The following MAPKAPK3 variants were observed in gnomAD, a reference collection of about 807,000 sequenced individuals.
The protein encoded by MAPKAPK3 is MAPK activated protein kinase 3, also known as MAP kinase-activated protein kinase 3.
In MAPKAPK3, 35 loss-of-function variants were observed where a neutral mutation model predicts 49.2. The observed-to-expected ratio is 0.71, with a 90% CI of 0.54 to 0.94. The LOEUF is 0.94. Among genes scored for constraint, MAPKAPK3 ranks in the 40% least tolerant of loss-of-function variants. The pLI is 0.00. For missense variants in MAPKAPK3, 398 were observed against 493.1 expected, an observed-to-expected ratio of 0.81 and a Z score of 1.83; for synonymous variants, 178 against 188.7, an observed-to-expected ratio of 0.94 and a Z score of 0.46.
At chr3:50,643,541 G>A (rs1255136190) in intron 5 of MAPKAPK3, among the ~76,000 whole-genome samples, 5 of 152,204 alleles carry the variant, frequency 3.3e-5, no homozygotes, top group African/African-American at 1.2e-4. Flanking sequence ...TACAGCTGCT[G>A]CATAAGGTCC....
upstream of MAPKAPK3, among the ~76,000 whole-genome samples, chr3:50,615,717 G>A (rs573788542): frequency 2.0e-5 from 3 of 152,368 alleles, no homozygotes; most frequent in South Asian, 6.2e-4. Context: ...TCTGCAAGAA[G>A]TGTTCACTAT....
In MAPKAPK3 at chr3:50,617,562, G is replaced by A. The variant is rs763457916; in HGVS notation, c.-4G>A. 9.4e-6 allele frequency: 14 copies of A among 1,481,874 alleles called. No homozygotes were observed. Among genetic ancestry groups the A allele is most frequent in the East Asian group, 2.3e-5 (1 of 44,174 alleles). The allele number at this position is 1,481,874 out of a possible 1,614,324, so 91.8% of individuals were successfully genotyped here. A position where few individuals can be genotyped will look rare whatever the true frequency, so the allele number is the denominator to read the frequency against. ...GGGCCGCCTCTGAGCGCCCCGCGGG[G>A]GCCATGGATGGTGAAACAGCAGAGG... On this transcript the variant is annotated 5_prime_UTR_variant, in exon 2 of 11. Coordinates refer to ENST00000621469, the MANE Select transcript of MAPKAPK3 (RefSeq NM_001243925.2).
At chr3:50,619,964 C>T (rs777002525) in intron 2 of MAPKAPK3, among the ~76,000 whole-genome samples, 1 of 152,172 alleles carries the variant, frequency 6.6e-6, no homozygotes, top group Non-Finnish European at 1.5e-5. Context: ...TTGGGACCTT[C>T]AGGATCTGGC....
chr3:50,614,500 A>AGTGTGTGTGTGTGTGTGTGT (rs3066739), upstream of MAPKAPK3, among the ~76,000 whole-genome samples: 61 of 138,946 alleles, frequency 4.4e-4, 3 homozygotes, highest in African/African-American at 1.4e-3. Flanking sequence ...GTAAGGACAG[A>AGTGTGTGTGTGTGTGTGTGT]GTGTGTGTGT....
upstream of MAPKAPK3, among the ~76,000 whole-genome samples, chr3:50,613,435 A>G (rs890156111): frequency 6.6e-6 from 1 of 152,212 alleles, no homozygotes; most frequent in African/African-American, 2.4e-5. Context: ...AGTTGGCCAG[A>G]AGCCACTTTC....
intron 2 of MAPKAPK3, among the ~76,000 whole-genome samples, chr3:50,634,596 C>T (rs549240111): frequency 6.6e-6 from 1 of 151,996 alleles, no homozygotes; most frequent in Non-Finnish European, 1.5e-5. Context: ...TCAAGCCATT[C>T]TCCTGCCTCA....
chr3:50,631,281 AC>A (rs2107585326), intron 2 of MAPKAPK3, among the ~76,000 whole-genome samples: 1 of 152,300 alleles, frequency 6.6e-6, no homozygotes, highest in East Asian at 1.9e-4. Flanking sequence ...ATATTACACT[AC>A]CTTCCAGCTC....
intron 2 of MAPKAPK3, among the ~76,000 whole-genome samples, chr3:50,635,763 CT>C (rs2033022695): frequency 6.6e-6 from 1 of 151,566 alleles, no homozygotes; most frequent in African/African-American, 2.4e-5. Flanking sequence ...GGTTTTCCCC[CT>C]CATCCTTACT....
At chr3:50,643,033 G>T (rs181051974) in intron 5 of MAPKAPK3, among the ~76,000 whole-genome samples, 3 of 152,084 alleles carry the variant, frequency 2.0e-5, no homozygotes, top group Non-Finnish European at 4.4e-5. Flanking sequence ...TGTATTTTTC[G>T]TAGAGATGGG....
intron 9 of MAPKAPK3, 75 bp downstream of exon 9, chr3:50,646,900 C>T: frequency 6.9e-7 from 1 of 1,456,030 alleles, no homozygotes; most frequent in Non-Finnish European, 9.6e-7. Flanking sequence ...GGTGGTGGCT[C>T]TGCTTTGAGG....
intron 1 of MAPKAPK3, 32 bp downstream of exon 1, chr3:50,617,273 C>T (rs1157319703): frequency 4.1e-5 from 13 of 316,400 alleles, no homozygotes; most frequent in African/African-American, 6.4e-5. Flanking sequence ...TCTGCGGCCT[C>T]CTCCGGGGAC....
chr3:50,615,549 G>T (rs1301920934), upstream of MAPKAPK3, among the ~76,000 whole-genome samples: 2 of 152,202 alleles, frequency 1.3e-5, no homozygotes, highest in African/African-American at 4.8e-5. Flanking sequence ...TGGAATGGGG[G>T]CTCTGTCATG....
chr3:50,624,091 CCAGAGCA>C (rs1194407840), intron 2 of MAPKAPK3, among the ~76,000 whole-genome samples: 2 of 152,226 alleles, frequency 1.3e-5, no homozygotes, highest in African/African-American at 4.8e-5. Flanking sequence ...TGGGCAGAGC[CCAGAGCA>C]CCACGGGCAG....
rs752419500 is a variant in MAPKAPK3, at chr3:50,640,388, C to T, written c.242C>T (p.Ala81Val). 1 of 1,614,014 alleles carries T rather than the reference C, an allele frequency of 6.2e-7. No individual in the cohort carries two copies. Among genetic ancestry groups the T allele is most frequent in the South Asian group, 1.1e-5 (1 of 91,068 alleles). ...ALKLLYDSPK[A>V]RQEVDHHWQA... ...CAGCTCCTGTATGACAGCCCCAAGG[C>T]CCGGCAGGAGGTAGACCATCACTGG... is the stretch of plus-strand genomic sequence containing the variant. Residue 81 changes from alanine to valine, a missense_variant, in exon 3 of 11, where the codon GCC (alanine) becomes GTC (valine). By Grantham distance (64) the Ala-to-Val change is moderately conservative. Coordinates refer to ENST00000621469, the MANE Select transcript of MAPKAPK3 (RefSeq NM_001243925.2).
intron 2 of MAPKAPK3, among the ~76,000 whole-genome samples, chr3:50,623,534 G>T (rs1476190160): frequency 2.0e-5 from 3 of 152,128 alleles, no homozygotes; most frequent in Non-Finnish European, 4.4e-5. Flanking sequence ...TCAGGCCTTG[G>T]TGCTGTGGAT....
intron 2 of MAPKAPK3, among the ~76,000 whole-genome samples, chr3:50,631,651 GAAATAATCCC>G (rs2032914010): frequency 6.6e-6 from 1 of 152,206 alleles, no homozygotes; most frequent in Non-Finnish European, 1.5e-5. Flanking sequence ...ATCCTCATGG[GAAATAATCCC>G]AAATAATCAT....
intron 6 of MAPKAPK3, among the ~76,000 whole-genome samples, chr3:50,645,504 C>G (rs2033269188): frequency 2.0e-5 from 3 of 152,194 alleles, no homozygotes; most frequent in African/African-American, 7.2e-5. Flanking sequence ...AGGGGTATGT[C>G]TGAAAGTGGT....
At chr3:50,627,927 C>T (rs138129462) in intron 2 of MAPKAPK3, among the ~76,000 whole-genome samples, 3 of 152,204 alleles carry the variant, frequency 2.0e-5, no homozygotes, top group Admixed American at 2.0e-4. Flanking sequence ...CTCACCCAGG[C>T]CTGTGTGGGG....
chr3:50,612,581 C>T (rs2032361684), upstream of MAPKAPK3: 1 of 152,068 alleles, frequency 6.6e-6, no homozygotes, highest in African/African-American at 2.4e-5. Context: ...CTTTTCGAAT[C>T]AGGCAGACCA....
Sources: allele counts gnomAD v4.1 joint callset (sites outside exome capture counted in the v4.1 genomes callset), GRCh38; gene constraint gnomAD v4.1.1; transcripts MANE v1.5; gene names NCBI Gene and HGNC (gene_info 2026-07-23, HGNC 2026-07-21).